MAN2A1: variants seen among roughly 807,000 people sequenced by gnomAD.
MAN2A1 encodes mannosidase alpha class 2A member 1.
MAN2A1 carries 76 observed loss-of-function variants against 142.6 expected under a neutral mutation model. The ratio of observed to expected loss-of-function variants is 0.53; its 90% CI spans 0.44 to 0.65. MAN2A1 has a LOEUF of 0.65. Among genes scored for constraint, MAN2A1 ranks in the 30% least tolerant of loss-of-function variants. MAN2A1 has a pLI of 0.00. For synonymous variants in MAN2A1, 559 were observed against 473.2 expected (o/e 1.18, Z -2.35); for missense variants, 1,311 against 1,365.1 (o/e 0.96, Z 0.62).
intron 7 of MAN2A1, among the ~76,000 whole-genome samples, chr5:109,774,175 T>A (rs1287258548): frequency 6.6e-6 from 1 of 152,196 alleles, no homozygotes; most frequent in Non-Finnish European, 1.5e-5. Flanking sequence ...AAAAGGACAC[T>A]GTGACAAATA....
Position 109,847,764 on chromosome 5 carries a change from C to T in MAN2A1, c.2950C>T (p.Leu984=). Residue 984 remains leucine, a synonymous_variant, in exon 19 of 22, where the codon CTA becomes TTA. Coordinates refer to ENST00000261483, the MANE Select transcript of MAN2A1 (RefSeq NM_002372.4). ...TACAGCTAATCTATTTCGAATACTA[C>T]TAGAAAAAAGAAGTGCTGTTAATAC... ...KITANLFRIL[L]EKRSAVNTEE... The T allele has an allele frequency of 6.3e-7, 1 of 1,587,086 alleles. No individual in the cohort carries two copies. Among genetic ancestry groups the T allele is most frequent in the Non-Finnish European group, 8.6e-7 (1 of 1,167,694 alleles).
rs576723484 is a variant in MAN2A1, at chr5:109,806,777, A to C, written c.1944-10496A>C. On this transcript the variant is annotated intron_variant, in intron 12 of 21. Transcript: ENST00000261483. ...GTGGTCATACTGTTTTGTGAAGGAC[A>C]ACTTTATATTTGCATTTGATCACAC... Among the ~76,000 whole-genome samples, 102 of 152,318 alleles carry C rather than the reference A, an allele frequency of 6.7e-4. 1 individual carries two copies. Among genetic ancestry groups the C allele is most frequent in the African/African-American group, 2.3e-3 (95 of 41,570 alleles).
In MAN2A1 at chr5:109,781,467, C is replaced by T; in HGVS notation, c.1446C>T (p.Gly482=). Reference sequence around the variant, plus strand: ...CAGATGAAACTCAGAGAGACAAGGGCCAATCGATGTTCCCTGTTTTAAGTG... The same window carrying T: ...CAGATGAAACTCAGAGAGACAAGGGTCAATCGATGTTCCCTGTTTTAAGTG... The part of the protein sequence containing the change: ...DKADETQRDK[G]QSMFPVLSGD... The change falls in exon 9 of 22, where the codon GGC becomes GGT. Residue 482 remains glycine, a synonymous_variant. Transcript: ENST00000261483. The T allele has an allele frequency of 1.2e-6, 2 of 1,613,240 alleles. No individual in the cohort carries two copies. Among genetic ancestry groups the T allele is most frequent in the Non-Finnish European group, 1.7e-6 (2 of 1,179,654 alleles).
chr5:109,732,436 T>C (rs368058284), intron 4 of MAN2A1, among the ~76,000 whole-genome samples: 77 of 151,928 alleles, frequency 5.1e-4, no homozygotes, highest in Middle Eastern at 3.4e-3. Context: ...AAGTCCTTGC[T>C]CATGCCTATG....
Position 109,784,895 on chromosome 5 carries a change from A to G in MAN2A1, c.1729A>G (p.Lys577Glu), listed in dbSNP as rs768314072. The G allele has an allele frequency of 2.5e-6, 4 of 1,605,428 alleles. No individual in the cohort carries two copies. Among genetic ancestry groups the G allele is most frequent in the Admixed American group, 3.5e-5 (2 of 57,852 alleles). ...QHHDAITGTA[K>E]DWVVVDYGTR... is the part of the protein sequence containing the mutation. ...TCATGATGCTATCACAGGAACTGCAAAAGACTGGGTGGTTGTGGATTATGG... is the reference window on the plus strand; with the variant it reads ...TCATGATGCTATCACAGGAACTGCAGAAGACTGGGTGGTTGTGGATTATGG... The change falls in exon 10 of 22, where the codon AAA (lysine) becomes GAA (glutamate). Residue 577 changes from lysine (K) to glutamate (E), a missense_variant. By Grantham distance (56) the Lys-to-Glu change is moderately conservative. Transcript: ENST00000261483.
intron 12 of MAN2A1, among the ~76,000 whole-genome samples, chr5:109,817,045 A>G (rs1754480292): frequency 6.6e-6 from 1 of 151,922 alleles, no homozygotes; most frequent in Non-Finnish European, 1.5e-5. Context: ...TACACCTGCT[A>G]CTCCCAGCTA....
chr5:109,812,329 T>A (rs935704402), intron 12 of MAN2A1, among the ~76,000 whole-genome samples: 7 of 152,108 alleles, frequency 4.6e-5, no homozygotes, highest in African/African-American at 1.7e-4. Flanking sequence ...TTGTGATTTT[T>A]GAAGATCTAG....
chr5:109,820,194 T>A, intron 14 of MAN2A1, 26 bp from the exon 15 acceptor site: 1 of 1,577,432 alleles, frequency 6.3e-7, no homozygotes, highest in Non-Finnish European at 8.7e-7. Flanking sequence ...GGTGAGTTGC[T>A]TATTATTATT....
At chr5:109,762,999 G>T (rs1267583840) in intron 5 of MAN2A1, among the ~76,000 whole-genome samples, 1 of 152,194 alleles carries the variant, frequency 6.6e-6, no homozygotes, top group Non-Finnish European at 1.5e-5. Flanking sequence ...AAGTAGGTTG[G>T]TTATTTCAAA....
At chr5:109,785,343 G>C (rs1341856657) in intron 10 of MAN2A1, among the ~76,000 whole-genome samples, 1 of 150,818 alleles carries the variant, frequency 6.6e-6, no homozygotes, top group Non-Finnish European at 1.5e-5. Flanking sequence ...AATTGTTCTT[G>C]TATACTTCTT....
intron 11 of MAN2A1, among the ~76,000 whole-genome samples, 159 bp downstream of exon 11, chr5:109,789,207 T>A (rs1415015527): frequency 6.6e-6 from 1 of 151,890 alleles, no homozygotes; most frequent in Non-Finnish European, 1.5e-5. Flanking sequence ...TACCTGTATG[T>A]TCATCTTTTC....
chr5:109,754,225 T>A (rs1471185859), intron 4 of MAN2A1, among the ~76,000 whole-genome samples: 1 of 152,226 alleles, frequency 6.6e-6, no homozygotes, highest in Non-Finnish European at 1.5e-5. Context: ...CTTAAATTCT[T>A]GACTTTTATG....
intron 1 of MAN2A1, among the ~76,000 whole-genome samples, chr5:109,693,759 G>A (rs181442314): frequency 1.8e-3 from 280 of 152,232 alleles, no homozygotes; most frequent in African/African-American, 6.5e-3. Flanking sequence ...GAAGCACTCC[G>A]AAGCCTTGCT....
intron 15 of MAN2A1, 47 bp downstream of exon 15, chr5:109,820,389 A>G (rs541479823): frequency 1.3e-6 from 2 of 1,541,964 alleles, no homozygotes; most frequent in African/African-American, 2.8e-5. Context: ...ACTTATTGAA[A>G]GAGTATTGAG....
intron 4 of MAN2A1, among the ~76,000 whole-genome samples, chr5:109,732,817 T>C (rs1005366368): frequency 7.2e-5 from 11 of 152,012 alleles, no homozygotes; most frequent in African/African-American, 2.4e-4. Context: ...GCTTTGTTCT[T>C]TTGGCTTAGG....
At chr5:109,817,158 G>A (rs1469532891) in intron 12 of MAN2A1, 115 bp from the exon 13 acceptor site, 27 of 967,704 alleles carry the variant, frequency 2.8e-5, no homozygotes, top group East Asian at 1.4e-4. Context: ...AGAGTGAGAC[G>A]CTATCTCAAA....
rs759500377 is a variant in MAN2A1, at chr5:109,865,135, A to T, written c.3271A>T (p.Thr1091Ser). ...SKGTGLFCST[T>S]QGKILVQKLL... ...AGGCACAGGGCTGTTTTGTTCTACT[A>T]CTCAGGGAAAGGTAAGTTGAAAAGG... is the stretch of plus-strand genomic sequence containing the variant. The change falls in exon 21 of 22, where the codon ACT becomes TCT. Residue 1091 changes from threonine to serine, a missense_variant. Physicochemically the swap from Thr to Ser is moderately conservative, Grantham distance 58 (BLOSUM62 1). Transcript: ENST00000261483. 7 of 1,612,488 alleles carry T rather than the reference A, an allele frequency of 4.3e-6. No individual in the cohort carries two copies. Among genetic ancestry groups the T allele is most frequent in the Middle Eastern group, 1.6e-4 (1 of 6,082 alleles).
intron 4 of MAN2A1, 77 bp downstream of exon 4, chr5:109,729,590 A>G: frequency 1.4e-6 from 1 of 728,764 alleles, no homozygotes; most frequent in Non-Finnish European, 2.1e-6. Flanking sequence ...GAATTTTTAG[A>G]TGGTGAAAAT....
At chr5:109,847,890 C>A in intron 19 of MAN2A1, 100 bp downstream of exon 19, 1 of 890,514 alleles carries the variant, frequency 1.1e-6, no homozygotes. Context: ...AAATCATTTC[C>A]AATATTGAGA....
Sources: gnomAD v4.1 joint callset for allele counts (sites outside exome capture counted in the v4.1 genomes callset) on GRCh38, gnomAD v4.1.1 for gene constraint, MANE v1.5 for transcripts, NCBI Gene and HGNC (gene_info 2026-07-23, HGNC 2026-07-21) for gene names.